Variants in PDE1C observed in about 807,000 individuals in gnomAD.
The protein encoded by PDE1C is dual specificity calcium/calmodulin-dependent 3',5'-cyclic nucleotide phosphodiesterase 1C.
Under a neutral mutation model 93.1 loss-of-function variants are expected in PDE1C, and 62 were observed. That is an observed-to-expected ratio of 0.67 (90% confidence interval 0.54 to 0.82). The LOEUF (loss-of-function observed/expected upper bound fraction) is 0.82. PDE1C is among the 40% of genes least tolerant of loss of function. The pLI is 0.00. For synonymous variants in PDE1C, 325 were observed against 310.1 expected, an observed-to-expected ratio of 1.05 and a Z score of -0.50; for missense variants, 742 against 884.6, an observed-to-expected ratio of 0.84 and a Z score of 2.04.
At chr7:31,720,634 T>TA in the PDE1C span, among the ~76,000 whole-genome samples, 4 of 152,142 alleles carry the variant, frequency 2.6e-5, no homozygotes, top group Non-Finnish European at 5.9e-5. Context: ...AAGCCAGCAA[T>TA]AAAAAAACTC....
chr7:31,967,971 A>G (rs1238256233), intron 2 of PDE1C, among the ~76,000 whole-genome samples: 1 of 152,204 alleles, frequency 6.6e-6, no homozygotes, highest in Non-Finnish European at 1.5e-5. Context: ...AAATAATAAG[A>G]GCTGTCTATG....
chr7:32,364,975 C>T (rs144639901), intron 1 of PDE1C, among the ~76,000 whole-genome samples: 205 of 152,312 alleles, frequency 1.3e-3, no homozygotes, highest in African/African-American at 2.8e-3. Flanking sequence ...GCTAAACTGC[C>T]ACATGCTTTC....
chr7:31,796,183 T>G (rs536737975), intron 16 of PDE1C, among the ~76,000 whole-genome samples: 1 of 150,312 alleles, frequency 6.7e-6, no homozygotes, highest in South Asian at 2.1e-4. Context: ...GTATATATTA[T>G]GTATATATGA....
chr7:32,276,572 G>A (rs565534990), intron 1 of PDE1C, among the ~76,000 whole-genome samples: 40 of 152,288 alleles, frequency 2.6e-4, no homozygotes, highest in Non-Finnish European at 4.9e-4. Flanking sequence ...ACTGTTCTGC[G>A]TGATGATCAG....
In PDE1C at chr7:31,840,761, T is replaced by C. The variant is rs149952989; in HGVS notation, c.981-2790A>G. Among the ~76,000 whole-genome samples, 542 of 152,296 alleles carry C rather than the reference T, an allele frequency of 3.6e-3. 1 individual carries two copies. The highest frequency in any genetic ancestry group is 0.013 in the African/African-American group (520 of 41,578). Reference sequence around the variant, plus strand: ...GTCAATTTCAAAACTCTCAATTCTGTCCCATAGTTACGTATGTCCATCTTT... The same window carrying C: ...GTCAATTTCAAAACTCTCAATTCTGCCCCATAGTTACGTATGTCCATCTTT... On this transcript the variant is annotated intron_variant, in intron 9 of 17. Coordinates refer to ENST00000396191, the MANE Select transcript of PDE1C (RefSeq NM_001191057.4).
At chr7:32,074,814 G>A (rs1310623175), upstream of PDE1C, among the ~76,000 whole-genome samples, 1 of 152,206 alleles carries the variant, frequency 6.6e-6, no homozygotes, top group Middle Eastern at 3.2e-3. Flanking sequence ...CAGAAACATG[G>A]TAACGGGTAG....
intron 2 of PDE1C, among the ~76,000 whole-genome samples, chr7:32,197,947 TTATAA>T (rs764227815): frequency 6.6e-6 from 1 of 152,214 alleles, no homozygotes; most frequent in African/African-American, 2.4e-5. Context: ...TGGGTAAGCT[TTATAA>T]TATGTGAATT....
chr7:31,631,372 GGATT>G, the PDE1C span, among the ~76,000 whole-genome samples: 115 of 152,228 alleles, frequency 7.6e-4, no homozygotes, highest in African/African-American at 2.5e-3. Flanking sequence ...ATGTGTATTA[GGATT>G]ATTATTTTAC....
chr7:31,895,808 C>T (rs965875377), intron 2 of PDE1C, among the ~76,000 whole-genome samples: 4 of 152,128 alleles, frequency 2.6e-5, no homozygotes, highest in African/African-American at 4.8e-5. Flanking sequence ...TTCCCCTGCA[C>T]ATGCTCTCTT....
chr7:31,897,122 G>C (rs564877283), intron 2 of PDE1C, among the ~76,000 whole-genome samples: 47 of 152,316 alleles, frequency 3.1e-4, no homozygotes, highest in Middle Eastern at 6.8e-3. Context: ...ACAAGGTCTT[G>C]TATTTTTCTT....
intron 1 of PDE1C, among the ~76,000 whole-genome samples, chr7:32,331,843 G>T (rs1480741547): frequency 1.3e-5 from 2 of 152,166 alleles, no homozygotes; most frequent in Non-Finnish European, 2.9e-5. Context: ...TGACTATGAG[G>T]CTTCAAAGTC....
intron 3 of PDE1C, among the ~76,000 whole-genome samples, chr7:32,079,157 G>A (rs1796518334): frequency 6.6e-6 from 1 of 152,164 alleles, no homozygotes; most frequent in Non-Finnish European, 1.5e-5. Context: ...ATAAATGCTG[G>A]AACCTTTTAA....
chr7:31,847,592 C>T (rs1159331265), intron 9 of PDE1C, among the ~76,000 whole-genome samples: 1 of 151,856 alleles, frequency 6.6e-6, no homozygotes. Context: ...CAGTTGAACA[C>T]TGTTAGAAGT....
chr7:31,888,249 C>CAAAAAA (rs34112969), intron 2 of PDE1C, among the ~76,000 whole-genome samples: 661 of 42,182 alleles, frequency 0.016, no homozygotes, highest in Non-Finnish European at 0.02. Context: ...GACTCAGTCT[C>CAAAAAA]AAAAAAAAAA....
intron 14 of PDE1C, among the ~76,000 whole-genome samples, chr7:31,818,884 T>C (rs1788604727): frequency 6.6e-6 from 1 of 152,154 alleles, no homozygotes; most frequent in Non-Finnish European, 1.5e-5. Context: ...TGGTTTGCTA[T>C]AAGAGAGTAT....
At chr7:31,775,606 A>G in intron 17 of PDE1C, 58 bp downstream of exon 17, 2 of 1,426,130 alleles carry the variant, frequency 1.4e-6, no homozygotes, top group Non-Finnish European at 2.0e-6. Flanking sequence ...TTCCCGAGAA[A>G]CCAGGCCTTT....
chr7:32,348,730 A>C (rs1783901206), intron 1 of PDE1C, among the ~76,000 whole-genome samples: 1 of 152,138 alleles, frequency 6.6e-6, no homozygotes. Flanking sequence ...TATCTGGGGT[A>C]GGGGGACTCC....
chr7:32,281,499 C>T (rs891891459), intron 1 of PDE1C, among the ~76,000 whole-genome samples: 4 of 152,122 alleles, frequency 2.6e-5, no homozygotes, highest in Non-Finnish European at 4.4e-5. Context: ...GCAGGAGGAT[C>T]ACTTGAGCCC....
chr7:32,253,234 C>T (rs1809521071), intron 1 of PDE1C, among the ~76,000 whole-genome samples: 1 of 152,206 alleles, frequency 6.6e-6, no homozygotes, highest in Non-Finnish European at 1.5e-5. Context: ...AAGTAGAATT[C>T]ACATTTCCAA....
Sources: allele counts gnomAD v4.1 joint callset (sites outside exome capture counted in the v4.1 genomes callset), GRCh38; gene constraint gnomAD v4.1.1; transcripts MANE v1.5; gene names NCBI Gene and HGNC (gene_info 2026-07-23, HGNC 2026-07-21).